CHRM2: variants seen among roughly 807,000 people sequenced by gnomAD.
CHRM2 encodes the protein cholinergic receptor muscarinic 2, also known as muscarinic acetylcholine receptor M2.
A neutral mutation model predicts 25.0 loss-of-function variants in CHRM2; 8 were observed. The ratio of observed to expected loss-of-function variants is 0.32; its 90% CI spans 0.19 to 0.58. The LOEUF is 0.58. Among genes scored for constraint, CHRM2 ranks in the 20% least tolerant of loss-of-function variants. CHRM2 has a pLI of 0.88. For missense variants in CHRM2, 440 were observed against 567.1 expected (o/e 0.78, Z 2.28); for synonymous variants, 202 against 205.7 (o/e 0.98, Z 0.15).
intron 2 of CHRM2, among the ~76,000 whole-genome samples, chr7:136,927,058 G>A (rs1798789758): frequency 6.6e-6 from 1 of 152,198 alleles, no homozygotes; most frequent in African/African-American, 2.4e-5. Flanking sequence ...CCTGATGTCA[G>A]ATGGCCTGGG....
At chr7:136,980,291 T>C (rs1802398785) in intron 2 of CHRM2, among the ~76,000 whole-genome samples, 1 of 152,196 alleles carries the variant, frequency 6.6e-6, no homozygotes, top group Non-Finnish European at 1.5e-5. Context: ...TGCACATTGA[T>C]TTTGTATCCT....
At chr7:136,962,038 G>A (rs188821223) in intron 2 of CHRM2, among the ~76,000 whole-genome samples, 1 of 151,894 alleles carries the variant, frequency 6.6e-6, no homozygotes, top group Admixed American at 6.5e-5. Context: ...AAGGGAAAAG[G>A]AACGACTGGA....
intron 2 of CHRM2, among the ~76,000 whole-genome samples, chr7:136,953,189 T>C (rs1289784181): frequency 2.0e-5 from 3 of 152,158 alleles, no homozygotes; most frequent in African/African-American, 7.2e-5. Context: ...GTAGACTGGC[T>C]CTGTTTTTTG....
chr7:136,884,391 TG>T (rs1796379695), intron 2 of CHRM2, among the ~76,000 whole-genome samples: 1 of 152,196 alleles, frequency 6.6e-6, no homozygotes, highest in Non-Finnish European at 1.5e-5. Context: ...TCTGTCAAAG[TG>T]TTTTTCTTCC....
chr7:136,874,963 G>A (rs891006035), intron 2 of CHRM2, among the ~76,000 whole-genome samples: 1 of 150,092 alleles, frequency 6.7e-6, no homozygotes, highest in South Asian at 2.1e-4. Context: ...GCACATTTAA[G>A]TCTTTAAGAC....
intron 2 of CHRM2, among the ~76,000 whole-genome samples, chr7:136,901,238 T>C (rs1797189762): frequency 6.6e-6 from 1 of 151,988 alleles, no homozygotes; most frequent in Non-Finnish European, 1.5e-5. Flanking sequence ...ATTAAATATG[T>C]GGACTTGCGG....
In CHRM2 at chr7:137,016,045, T is replaced by C. The variant is rs781736829; in HGVS notation, c.1180T>C (p.Leu394=). The change falls in exon 4 of 4, where the codon TTG becomes CTG. Residue 394 remains leucine, a synonymous_variant. Transcript: ENST00000680005. ...KVTRTILAIL[L]AFIITWAPYN... is the part of the protein sequence containing the mutation. ...CACCAGGACAATCTTGGCTATTCTG[T>C]TGGCTTTCATCATCACTTGGGCCCC... 3.1e-6 allele frequency: 5 copies of C among 1,612,674 alleles called. No individual in the cohort carries two copies. In the Admixed American group the frequency reaches 6.7e-5, roughly 22 times the overall value.
In CHRM2 at chr7:137,016,419, C is replaced by T. The variant is rs971200879; in HGVS notation, c.*153C>T. The T allele has an allele frequency of 6.2e-6, 5 of 803,306 alleles. No homozygotes were observed. The highest frequency in any genetic ancestry group is 3.5e-5 in the African/African-American group (2 of 57,156). The allele number at this position is 803,306 out of a possible 1,614,324, so 49.8% of individuals were successfully genotyped here. On this transcript the variant is annotated 3_prime_UTR_variant, in exon 4 of 4. Transcript: ENST00000680005. The stretch of plus-strand genomic sequence containing the variant: ...GAGCCCAGCAGTGACACACTTATCA[C>T]GCCTAGGCTCCAGTTTGCAAAAATT...
chr7:137,015,816 T>C lies in CHRM2; in HGVS notation c.951T>C (p.Asp317=), dbSNP rs77845403. The C allele has an allele frequency of 6.1e-5, 98 of 1,612,952 alleles. No individual in the cohort carries two copies. The East Asian group carries it at 2.0e-3, about 33-fold the overall frequency. Residue 317 remains aspartate (D), a synonymous_variant, in exon 4 of 4, where the codon GAT becomes GAC. Transcript: ENST00000680005. This position sits in a 1 kb window ranked among gnomAD's most constrained non-coding sequence, Gnocchi z 5.1. The stretch of plus-strand genomic sequence containing the variant: ...CCACTTCCCTGGGCCATTCCAAAGA[T>C]GAGAACTCTAAGCAAACATGCATCA... The part of the protein sequence containing the change: ...TVSTSLGHSK[D]ENSKQTCIRI...
intron 2 of CHRM2, among the ~76,000 whole-genome samples, chr7:136,875,391 A>G (rs1796014595): frequency 2.0e-5 from 3 of 152,046 alleles, no homozygotes; most frequent in Non-Finnish European, 2.9e-5. Flanking sequence ...TGCTATAAAC[A>G]TATCTTCTTT....
At chr7:136,874,336 T>C (rs1429958416) in intron 2 of CHRM2, among the ~76,000 whole-genome samples, 2 of 152,172 alleles carry the variant, frequency 1.3e-5, no homozygotes, top group Non-Finnish European at 2.9e-5. Context: ...TATATCTTTG[T>C]CTTACTTTAT....
intron 2 of CHRM2, chr7:136,902,998 G>T: frequency 2.3e-6 from 1 of 430,740 alleles, no homozygotes; most frequent in South Asian, 1.8e-5. Context: ...CCTGGAGTCT[G>T]GAAAGTATAC....
At chr7:137,009,990 C>T (rs139370915) in intron 3 of CHRM2, among the ~76,000 whole-genome samples, 238 of 152,060 alleles carry the variant, frequency 1.6e-3, no homozygotes, top group African/African-American at 5.5e-3. Flanking sequence ...TAATTCTATA[C>T]TCACTTGTCA....
chr7:136,873,783 C>G (rs528080446), intron 2 of CHRM2, among the ~76,000 whole-genome samples: 7 of 151,130 alleles, frequency 4.6e-5, no homozygotes, highest in African/African-American at 1.7e-4. Context: ...TCTGTTAATA[C>G]AACTTTGCAT....
intron 2 of CHRM2, among the ~76,000 whole-genome samples, chr7:136,986,080 T>G (rs1254354312): frequency 1.3e-5 from 2 of 152,128 alleles, no homozygotes; most frequent in Admixed American, 6.5e-5. Context: ...CATCCCTCTC[T>G]CATCCTAGAA....
chr7:137,003,757 C>T (rs1804229563), intron 3 of CHRM2, among the ~76,000 whole-genome samples: 1 of 152,238 alleles, frequency 6.6e-6, no homozygotes, highest in African/African-American at 2.4e-5. Context: ...TGTGTTCCCA[C>T]CCAAACCTCA....
chr7:136,908,356 T>G (rs117959027), intron 2 of CHRM2, among the ~76,000 whole-genome samples: 5,604 of 152,058 alleles, frequency 0.037, 145 homozygotes, highest in Middle Eastern at 0.071. Context: ...ACCTCAATAC[T>G]TTAGCATTAG....
intron 3 of CHRM2, among the ~76,000 whole-genome samples, chr7:137,013,825 G>T (rs1804987534): frequency 1.3e-5 from 2 of 151,988 alleles, no homozygotes; most frequent in Admixed American, 6.6e-5. Flanking sequence ...TGAACGTCCA[G>T]AACACCTAAT....
At chr7:136,964,005 CT>C (rs1801257101) in intron 2 of CHRM2, among the ~76,000 whole-genome samples, 2 of 152,134 alleles carry the variant, frequency 1.3e-5, no homozygotes, top group Admixed American at 1.3e-4. Flanking sequence ...TATTTAGTCA[CT>C]GATGAAATCA....
Sources: allele counts gnomAD v4.1 joint callset (sites outside exome capture counted in the v4.1 genomes callset), GRCh38; gene constraint gnomAD v4.1.1; non-coding constraint Gnocchi (gnomAD v3.1); transcripts MANE v1.5; gene names NCBI Gene and HGNC (gene_info 2026-07-23, HGNC 2026-07-21).